Variants in CUL1 observed in about 807,000 individuals in gnomAD.
CUL1 encodes the protein cullin-1.
Under a neutral mutation model 118.0 loss-of-function variants are expected in CUL1, and 24 were observed. The ratio of observed to expected loss-of-function variants is 0.20; its 90% CI spans 0.15 to 0.29. CUL1 has a LOEUF of 0.29. Among genes scored for constraint, CUL1 ranks in the 10% least tolerant of loss-of-function variants. CUL1 has a pLI of 1.00. For missense variants in CUL1, 361 were observed against 933.8 expected (o/e 0.39, Z 7.99); for synonymous variants, 332 against 340.4 (o/e 0.98, Z 0.27).
chr7:148,698,993 G>A lies in CUL1; in HGVS notation c.-198G>A, dbSNP rs1462010851. On this transcript the variant is annotated 5_prime_UTR_variant, in exon 1 of 22. Coordinates refer to ENST00000325222, the MANE Select transcript of CUL1 (RefSeq NM_003592.3). The stretch of plus-strand genomic sequence containing the variant: ...GCCCAGGCCCAGGGACCAGGCGGAG[G>A]CGTCGCGGGAGCCTTTGGGGCACCA... 1.9e-5 allele frequency: 3 copies of A among 153,970 alleles called. No homozygotes were observed. Among genetic ancestry groups the A allele is most frequent in the African/African-American group, 7.2e-5 (3 of 41,436 alleles). The allele number at this position is 153,970 out of a possible 1,614,324, so 9.5% of individuals were successfully genotyped here.
chr7:148,784,561 G>A (rs1039823629), intron 11 of CUL1, among the ~76,000 whole-genome samples: 1 of 152,148 alleles, frequency 6.6e-6, no homozygotes, highest in Admixed American at 6.5e-5. Context: ...TCCTCTGCGT[G>A]TGTTTTTTGA....
At position 148,800,689 on chromosome 7, in the gene CUL1, C is replaced by T. The variant is rs545258524; in HGVS notation, c.*107C>T. On this transcript the variant is annotated 3_prime_UTR_variant, in exon 22 of 22. Transcript: ENST00000325222. This position sits in a 1 kb window ranked among gnomAD's most constrained non-coding sequence, Gnocchi z 4.6. The stretch of plus-strand genomic sequence containing the variant: ...GCCAGCCTGCCGCCATTGGACCTCC[C>T]TTTTAAAAACTGAGACCAAGACTCC... The T allele has an allele frequency of 1.3e-6, 1 of 797,776 alleles. No homozygotes were observed. Among genetic ancestry groups the T allele is most frequent in the Non-Finnish European group, 2.1e-6 (1 of 483,942 alleles). 49.4% of individuals were successfully genotyped at this position (797,776 alleles called of 1,614,324 possible).
At chr7:148,766,171 C>G (rs1218590599) in intron 7 of CUL1, among the ~76,000 whole-genome samples, 1 of 151,970 alleles carries the variant, frequency 6.6e-6, no homozygotes, top group African/African-American at 2.4e-5. Context: ...TGCTCTGTTG[C>G]CCAGGCTGAA....
chr7:148,757,241 A>T (rs1392617576), intron 4 of CUL1, 91 bp downstream of exon 4: 2 of 740,742 alleles, frequency 2.7e-6, no homozygotes, highest in Non-Finnish European at 3.9e-6. Context: ...ATCTAGGCAA[A>T]TATTAAGCTT....
At chr7:148,743,998 T>A (rs938599466) in intron 2 of CUL1, among the ~76,000 whole-genome samples, 2 of 152,254 alleles carry the variant, frequency 1.3e-5, no homozygotes, top group Non-Finnish European at 2.9e-5. Flanking sequence ...GTCTTTTAAG[T>A]ACATTTATTA....
At chr7:148,767,226 A>G (rs1169595918) in intron 8 of CUL1, among the ~76,000 whole-genome samples, 2 of 152,140 alleles carry the variant, frequency 1.3e-5, no homozygotes, top group East Asian at 1.9e-4. Flanking sequence ...CCTTAAATGT[A>G]TTCATTATTT....
At chr7:148,788,742 A>C in intron 14 of CUL1, 68 bp downstream of exon 14, 1 of 1,036,774 alleles carries the variant, frequency 9.6e-7, no homozygotes, top group Non-Finnish European at 1.5e-6. Flanking sequence ...AAGAAATGAC[A>C]AAATATTAGG....
chr7:148,783,904 G>A lies in CUL1; in HGVS notation c.1191+14G>A. The A allele has an allele frequency of 1.2e-6, 2 of 1,613,788 alleles. No individual in the cohort carries two copies. Among genetic ancestry groups the A allele is most frequent in the South Asian group, 2.2e-5 (2 of 91,062 alleles). ...GCTCTTGATAAGGTAGGTGCGTGAG[G>A]GTTGTGACTTGCCTGTAGTATGTAT... is the stretch of plus-strand genomic sequence containing the variant. On this transcript the variant is annotated intron_variant, in intron 10 of 21. Coordinates refer to ENST00000325222, the MANE Select transcript of CUL1 (RefSeq NM_003592.3).
intron 1 of CUL1, among the ~76,000 whole-genome samples, chr7:148,711,328 A>G (rs1463950339): frequency 6.6e-6 from 1 of 152,198 alleles, no homozygotes; most frequent in Non-Finnish European, 1.5e-5. Flanking sequence ...ACATATGTGC[A>G]GAGAATGGGG....
chr7:148,702,075 T>A (rs567743388), intron 1 of CUL1, among the ~76,000 whole-genome samples: 53 of 152,282 alleles, frequency 3.5e-4, no homozygotes, highest in African/African-American at 1.2e-3. Flanking sequence ...AATGAAGAAA[T>A]GAGCATTAAA....
intron 2 of CUL1, among the ~76,000 whole-genome samples, chr7:148,750,842 G>A (rs114100747): frequency 1.7e-3 from 263 of 152,146 alleles, no homozygotes; most frequent in African/African-American, 5.9e-3. Context: ...GTGGTGACCC[G>A]TGCCTGTATT....
intron 16 of CUL1, among the ~76,000 whole-genome samples, 164 bp from the exon 17 acceptor site, chr7:148,792,562 T>A (rs914653297): frequency 6.6e-6 from 1 of 152,282 alleles, no homozygotes; most frequent in Admixed American, 6.5e-5. Flanking sequence ...GTAGTGGCAT[T>A]GCCACGTTTT....
chr7:148,743,316 TC>T (rs1799204850), intron 2 of CUL1, among the ~76,000 whole-genome samples: 1 of 152,340 alleles, frequency 6.6e-6, no homozygotes, highest in South Asian at 2.1e-4. Flanking sequence ...CCCATCTCTC[TC>T]CCATCTCCCT....
rs145520190 is a variant in CUL1, at chr7:148,740,669, A to G, written c.140+10407A>G. 2.6e-5 allele frequency among the ~76,000 whole-genome samples: 4 copies of G among 152,286 alleles called. No homozygotes were observed. In the East Asian group the frequency reaches 5.8e-4, roughly 22 times the overall value. On this transcript the variant is annotated intron_variant, in intron 2 of 21. Transcript: ENST00000325222. ...ATATCTTGAAGCCCTAACCCCCAGT[A>G]TATTTGGATGGTATTTGGAGGTAAG...
Position 148,783,667 on chromosome 7 carries a change from A to G in CUL1, c.1084-116A>G, listed in dbSNP as rs78408693. On this transcript the variant is annotated intron_variant, in intron 9 of 21. Transcript: ENST00000325222. ...TTCTTGCTCTTATCTCTTAACTTTG[A>G]AAAGGTATCTATAGCTTTTAGAATA... The G allele has an allele frequency of 1.2e-3, 1,795 of 1,560,588 alleles. 24 individuals are homozygous for G. The African/African-American group carries it at 0.022, about 19-fold the overall frequency.
intron 1 of CUL1, among the ~76,000 whole-genome samples, chr7:148,706,435 A>T (rs1797885613): frequency 6.6e-6 from 1 of 152,136 alleles, no homozygotes; most frequent in African/African-American, 2.4e-5. Flanking sequence ...ATGGGAATAT[A>T]TTACATCAAT....
chr7:148,765,977 G>T (rs1389049121), intron 7 of CUL1, among the ~76,000 whole-genome samples: 1 of 152,210 alleles, frequency 6.6e-6, no homozygotes, highest in African/African-American at 2.4e-5. Flanking sequence ...TCAAAATGAT[G>T]TAAAGACATG....
At chr7:148,788,205 A>C (rs937020473) in intron 13 of CUL1, among the ~76,000 whole-genome samples, 10 of 152,154 alleles carry the variant, frequency 6.6e-5, no homozygotes, top group African/African-American at 2.4e-4. Context: ...GGGCTTCAAC[A>C]TAGGGATTTT....
At chr7:148,783,544 A>G in intron 9 of CUL1, 1 of 1,404,760 alleles carries the variant, frequency 7.1e-7, no homozygotes, top group Non-Finnish European at 9.3e-7. Flanking sequence ...GCAAGCTCGG[A>G]ATCAATATTT....
Sources: allele counts gnomAD v4.1 joint callset (sites outside exome capture counted in the v4.1 genomes callset), GRCh38; gene constraint gnomAD v4.1.1; non-coding constraint Gnocchi (gnomAD v3.1); transcripts MANE v1.5; gene names NCBI Gene and HGNC (gene_info 2026-07-23, HGNC 2026-07-21).